Variants in RPTOR observed in about 807,000 individuals in gnomAD.
The protein encoded by RPTOR is regulatory-associated protein of mTOR.
Under a neutral mutation model 169.9 loss-of-function variants are expected in RPTOR, and 21 were observed. The observed-to-expected ratio is 0.12, with a 90% CI of 0.09 to 0.18. The LOEUF (loss-of-function observed/expected upper bound fraction) is 0.18, where lower values mean the gene tolerates loss of function less well. Among genes scored for constraint, RPTOR ranks in the 10% least tolerant of loss-of-function variants. The pLI is 1.00. For synonymous variants in RPTOR, 732 were observed against 753.2 expected (o/e 0.97, Z 0.46); for missense variants, 1,133 against 1,855.9 (o/e 0.61, Z 7.16).
At chr17:80,824,354 C>T (rs6565481) in intron 9 of RPTOR, among the ~76,000 whole-genome samples, 3,351 of 152,094 alleles carry the variant, frequency 0.022, 118 homozygotes, top group African/African-American at 0.077. Context: ...ATAAAACCAC[C>T]GCACATTTAT....
At chr17:80,571,902 G>C (rs920694237) in intron 1 of RPTOR, among the ~76,000 whole-genome samples, 1 of 152,182 alleles carries the variant, frequency 6.6e-6, no homozygotes. Context: ...TCTTTTCTCA[G>C]TATCGTATTG....
rs373080947 is a variant in RPTOR, at chr17:80,923,892, T to C, written c.2808+219T>C. 2.8e-5 allele frequency: 16 copies of C among 563,924 alleles called. No homozygotes were observed. The African/African-American group carries it at 3.2e-4, about 11-fold the overall frequency. The allele number at this position is 563,924 out of a possible 1,614,324, so 34.9% of individuals were successfully genotyped here. The stretch of plus-strand genomic sequence containing the variant: ...TGCACTCCTTAGGAGCACTGCTGGG[T>C]GTGTCCCGGTCCCTCTGCCTGCACT... On this transcript the variant is annotated intron_variant, in intron 23 of 33. Coordinates refer to ENST00000306801, the MANE Select transcript of RPTOR (RefSeq NM_020761.3).
At chr17:80,949,580 T>C in intron 28 of RPTOR, 33 bp downstream of exon 28, 2 of 1,575,422 alleles carry the variant, frequency 1.3e-6, no homozygotes, top group Non-Finnish European at 1.7e-6. Flanking sequence ...CAGAGCAGAA[T>C]GTGTTCCCGG....
At chr17:80,773,790 G>A (rs1483363229) in intron 6 of RPTOR, 17 of 985,142 alleles carry the variant, frequency 1.7e-5, no homozygotes, top group Non-Finnish European at 1.9e-5. Context: ...TCACTGTGGC[G>A]CTGCCAGCAA....
At chr17:80,810,376 G>A (rs1385797939) in intron 7 of RPTOR, among the ~76,000 whole-genome samples, 1 of 151,582 alleles carries the variant, frequency 6.6e-6, no homozygotes, top group Admixed American at 6.6e-5. Context: ...ATACCAAATT[G>A]TTCCAGCACT....
At chr17:80,675,834 C>G (rs1487985002) in intron 3 of RPTOR, among the ~76,000 whole-genome samples, 1 of 152,218 alleles carries the variant, frequency 6.6e-6, no homozygotes, top group East Asian at 1.9e-4. Context: ...TGAGAGGAAC[C>G]TGGAGCCTGA....
chr17:80,822,357 G>A (rs1342819525), intron 8 of RPTOR, 56 bp downstream of exon 8: 3 of 1,530,576 alleles, frequency 2.0e-6, no homozygotes, highest in African/African-American at 2.7e-5. Flanking sequence ...TGCGCGGGGA[G>A]CCGACTCTCG....
chr17:80,695,492 G>A lies in RPTOR; in HGVS notation c.349-12349G>A, dbSNP rs758463375. 6.6e-6 allele frequency among the ~76,000 whole-genome samples: 1 copy of A among 152,144 alleles called. No individual in the cohort carries two copies. Among genetic ancestry groups the A allele is most frequent in the Admixed American group, 6.5e-5 (1 of 15,282 alleles). On this transcript the variant is annotated intron_variant, in intron 3 of 33. Coordinates refer to ENST00000306801, the MANE Select transcript of RPTOR (RefSeq NM_020761.3). The surrounding 1 kb of genome is among the most constrained non-coding windows in gnomAD (Gnocchi z 4.9). ...ACAGAGGGGCAGGTGGGTGGCTCACGTGTGGGCTCACCTGCGTCACTTCTC... is the reference window on the plus strand; with the variant it reads ...ACAGAGGGGCAGGTGGGTGGCTCACATGTGGGCTCACCTGCGTCACTTCTC...
chr17:80,646,132 A>C lies in RPTOR; in HGVS notation c.348+2322A>C, dbSNP rs1002373127. The stretch of plus-strand genomic sequence containing the variant: ...GCCTAGAAGGAAGCTGTTCTTGCAC[A>C]CAGAGTGGGATCTTTTGTCCCCATT... On this transcript the variant is annotated intron_variant, in intron 3 of 33. Transcript: ENST00000306801. This position sits in a 1 kb window ranked among gnomAD's most constrained non-coding sequence, Gnocchi z 5.0. 2.0e-5 allele frequency among the ~76,000 whole-genome samples: 3 copies of C among 152,246 alleles called. No individual in the cohort carries two copies. The highest frequency in any genetic ancestry group is 4.4e-5 in the Non-Finnish European group (3 of 68,044).
rs1050454284 is a variant in RPTOR, at chr17:80,671,278, C to T, written c.348+27468C>T. ...CCTCCAGGCTCGGCACAGTAGGAAG[C>T]GCCAATGTTCCTGATAATCAAATTT... On this transcript the variant is annotated intron_variant, in intron 3 of 33. Coordinates refer to ENST00000306801, the MANE Select transcript of RPTOR (RefSeq NM_020761.3). 2.6e-5 allele frequency among the ~76,000 whole-genome samples: 4 copies of T among 152,092 alleles called. No individual in the cohort carries two copies. In the South Asian group the frequency reaches 6.2e-4, roughly 24 times the overall value.
In RPTOR at chr17:80,923,553, G is replaced by A. The variant is rs772111434; in HGVS notation, c.2688G>A (p.Pro896=). The change falls in exon 23 of 34, where the codon CCG becomes CCA. Residue 896 remains proline, a synonymous_variant. Transcript: ENST00000306801. Reference sequence around the variant, plus strand: ...TGACCAACGATGTGGCCAAGCAGCCGGTCAGCCGAGACTTGCCTTCTGGCC... The same window carrying A: ...TGACCAACGATGTGGCCAAGCAGCCAGTCAGCCGAGACTTGCCTTCTGGCC... ...SSLTNDVAKQ[P]VSRDLPSGRP... is the part of the protein sequence containing the mutation. The A allele has an allele frequency of 8.1e-6, 13 of 1,613,476 alleles. No homozygotes were observed. The highest frequency in any genetic ancestry group is 5.0e-5 in the Admixed American group (3 of 60,030).
At chr17:80,773,639 A>G (rs2066865749) in intron 6 of RPTOR, among the ~76,000 whole-genome samples, 1 of 152,226 alleles carries the variant, frequency 6.6e-6, no homozygotes, top group Admixed American at 6.5e-5. Flanking sequence ...TTTGTTTACA[A>G]GGCAGCCCCG....
At chr17:80,674,722 A>C (rs576360268) in intron 3 of RPTOR, among the ~76,000 whole-genome samples, 1 of 147,298 alleles carries the variant, frequency 6.8e-6, no homozygotes, top group Non-Finnish European at 1.5e-5. Context: ...TGGGAGGCGA[A>C]GCTTTCAGTG....
intron 1 of RPTOR, among the ~76,000 whole-genome samples, chr17:80,583,185 T>TTTTTTTTG (rs2065030190): frequency 8.3e-6 from 1 of 120,854 alleles, no homozygotes; most frequent in African/African-American, 3.2e-5. Context: ...CTTTCCTGTT[T>TTTTTTTTG]TTTTTTTTTT....
intron 14 of RPTOR, among the ~76,000 whole-genome samples, chr17:80,882,281 G>T (rs1195763553): frequency 6.6e-6 from 1 of 152,220 alleles, no homozygotes; most frequent in African/African-American, 2.4e-5. Flanking sequence ...CAGATTTGAA[G>T]AAAGGAGAGT....
intron 4 of RPTOR, among the ~76,000 whole-genome samples, chr17:80,729,121 G>A (rs1320996544): frequency 6.6e-6 from 1 of 152,190 alleles, no homozygotes; most frequent in African/African-American, 2.4e-5. Flanking sequence ...ACTTTTGTCT[G>A]CTTCTTTGCT....
At chr17:80,771,428 C>A (rs1309059636) in intron 6 of RPTOR, among the ~76,000 whole-genome samples, 1 of 152,210 alleles carries the variant, frequency 6.6e-6, no homozygotes, top group East Asian at 1.9e-4. Context: ...CGCCCGCTGG[C>A]CCTCCTGGGC....
intron 6 of RPTOR, among the ~76,000 whole-genome samples, chr17:80,778,333 G>A (rs554122692): frequency 2.6e-4 from 40 of 152,244 alleles, no homozygotes; most frequent in Non-Finnish European, 3.8e-4. Flanking sequence ...TTAGCAAACC[G>A]AATGCAACCC....
intron 6 of RPTOR, among the ~76,000 whole-genome samples, chr17:80,757,925 C>T (rs2066697364): frequency 6.6e-6 from 1 of 152,082 alleles, no homozygotes; most frequent in African/African-American, 2.4e-5. Context: ...ATGTCTGATC[C>T]CTGTCCAAAG....
Sources: gnomAD v4.1 joint callset for allele counts (sites outside exome capture counted in the v4.1 genomes callset) on GRCh38, gnomAD v4.1.1 for gene constraint, Gnocchi (gnomAD v3.1) non-coding constraint, MANE v1.5 for transcripts, NCBI Gene and HGNC (gene_info 2026-07-23, HGNC 2026-07-21) for gene names.